The following URB2 variants were observed in gnomAD, a reference collection of about 807,000 sequenced individuals.
URB2 encodes URB2 ribosome biogenesis homolog, also known as unhealthy ribosome biogenesis protein 2 homolog.
Under a neutral mutation model 120.9 loss-of-function variants are expected in URB2, and 86 were observed. The observed-to-expected ratio is 0.71, with a 90% CI of 0.60 to 0.85. The LOEUF is 0.85. URB2 is among the 40% of genes least tolerant of loss of function. The pLI, the probability that URB2 is intolerant of heterozygous loss-of-function variation, is 0.00. For synonymous variants in URB2, 755 were observed against 758.4 expected (o/e 1.00, Z 0.07); for missense variants, 1,765 against 1,836.5 (o/e 0.96, Z 0.71).
chr1:229,642,681 A>C (rs1571876408), intron 4 of URB2, among the ~76,000 whole-genome samples: 1 of 152,298 alleles, frequency 6.6e-6, no homozygotes, highest in Non-Finnish European at 1.5e-5. Flanking sequence ...GAGCTCTCTT[A>C]GTCTTTCTGA....
At chr1:229,654,431 G>C in intron 9 of URB2, 43 bp downstream of exon 9, 2 of 1,611,848 alleles carry the variant, frequency 1.2e-6, no homozygotes, top group Non-Finnish European at 1.7e-6. Flanking sequence ...CTGTGTTTAT[G>C]GTCCTTAAGC....
intron 2 of URB2, 113 bp from the exon 3 acceptor site, chr1:229,632,156 C>A: frequency 3.5e-6 from 3 of 863,206 alleles, no homozygotes; most frequent in Admixed American, 3.5e-5. Flanking sequence ...AGGTTCTCCC[C>A]CGCCGCCCCC....
chr1:229,628,884 G>T (rs1398631484), intron 2 of URB2, among the ~76,000 whole-genome samples: 1 of 152,228 alleles, frequency 6.6e-6, no homozygotes, highest in Non-Finnish European at 1.5e-5. Context: ...AAGCGATGAT[G>T]ACGTGTGGTG....
Position 229,659,037 on chromosome 1 carries a change from G to A in URB2, c.4378-63G>A, listed in dbSNP as rs540674710. ...GTTAGTGCTTCCCAAGGCATTGTTG[G>A]CAGGTGGTGCGGCTTGATCTCTGCC... On this transcript the variant is annotated intron_variant, in intron 9 of 9. Coordinates refer to ENST00000258243, the MANE Select transcript of URB2 (RefSeq NM_014777.4). The A allele has an allele frequency of 2.4e-5, 37 of 1,533,740 alleles. No homozygotes were observed. In the African/African-American group the frequency reaches 4.9e-4, roughly 20 times the overall value.
At chr1:229,657,863 G>A (rs566803324) in intron 9 of URB2, among the ~76,000 whole-genome samples, 8 of 152,286 alleles carry the variant, frequency 5.3e-5, no homozygotes, top group Non-Finnish European at 1.0e-4. Context: ...TTGCCTTCGT[G>A]AATCAGTTCT....
intron 3 of URB2, 83 bp downstream of exon 3, chr1:229,632,528 T>C: frequency 4.0e-6 from 5 of 1,241,858 alleles, no homozygotes; most frequent in Non-Finnish European, 5.4e-6. Context: ...TTAGTGTCAA[T>C]TGTATGAAGA....
chr1:229,632,366 A>G lies in URB2; in HGVS notation c.224A>G (p.Asp75Gly). 1 of 1,588,842 alleles carries G rather than the reference A, an allele frequency of 6.3e-7. No individual in the cohort carries two copies. Among genetic ancestry groups the G allele is most frequent in the Non-Finnish European group, 8.5e-7 (1 of 1,172,008 alleles). Reference protein sequence around the residue: ...DIVERLWIYIDNILHSRKLQN... With the variant: ...DIVERLWIYIGNILHSRKLQN... ...GTTGAAAGGCTTTGGATCTATATAGATAACATTTTACATAGCAGAAAATTG... is the reference window on the plus strand; with the variant it reads ...GTTGAAAGGCTTTGGATCTATATAGGTAACATTTTACATAGCAGAAAATTG... The change falls in exon 3 of 10, where the codon GAT (aspartate) becomes GGT (glycine). Residue 75 changes from aspartate (D) to glycine (G), a missense_variant. By Grantham distance (94) the Asp-to-Gly change is moderately conservative. Transcript: ENST00000258243.
chr1:229,638,868 G>A (rs1000353081), intron 4 of URB2, among the ~76,000 whole-genome samples: 3 of 152,120 alleles, frequency 2.0e-5, no homozygotes, highest in African/African-American at 7.2e-5. Flanking sequence ...TTATAGTTTT[G>A]AAATCTGCTC....
At chr1:229,633,016 A>C (rs918871778) in intron 3 of URB2, among the ~76,000 whole-genome samples, 2 of 152,246 alleles carry the variant, frequency 1.3e-5, no homozygotes, top group Non-Finnish European at 2.9e-5. Flanking sequence ...ACTAGTGAGC[A>C]CTTCATGTGT....
chr1:229,632,150 T>C (rs980424263), intron 2 of URB2, 119 bp from the exon 3 acceptor site: 1 of 746,674 alleles, frequency 1.3e-6, no homozygotes, highest in Non-Finnish European at 2.0e-6. Flanking sequence ...AAAGAGAGGT[T>C]CTCCCCCGCC....
chr1:229,642,994 C>T (rs1043520803), intron 4 of URB2, among the ~76,000 whole-genome samples: 3 of 152,132 alleles, frequency 2.0e-5, no homozygotes, highest in African/African-American at 7.2e-5. Flanking sequence ...GTATTATATT[C>T]TTACAATCAA....
At chr1:229,629,019 A>G (rs750049612) in intron 2 of URB2, among the ~76,000 whole-genome samples, 3 of 152,234 alleles carry the variant, frequency 2.0e-5, no homozygotes, top group African/African-American at 4.8e-5. Context: ...CTAGCAGCCA[A>G]TTGGATCAAG....
intron 8 of URB2, 32 bp from the exon 9 acceptor site, chr1:229,654,217 T>G (rs1395760379): frequency 2.5e-6 from 4 of 1,608,082 alleles, no homozygotes; most frequent in Non-Finnish European, 2.6e-6. Context: ...GTTTTTGAAC[T>G]AATTGGTTGG....
chr1:229,630,044 C>T (rs1571865727), intron 2 of URB2, among the ~76,000 whole-genome samples: 1 of 152,344 alleles, frequency 6.6e-6, no homozygotes, highest in Middle Eastern at 3.4e-3. Flanking sequence ...ATTATATATG[C>T]AGTTGCTTCC....
rs1441680328 is a variant in URB2, at chr1:229,659,203, A to G, written c.4481A>G (p.Gln1494Arg). Residue 1494 changes from glutamine to arginine, a missense_variant, in exon 10 of 10, where the codon CAG becomes CGG. Coordinates refer to ENST00000258243, the MANE Select transcript of URB2 (RefSeq NM_014777.4). ...PDVQFLRASL[Q>R]PGMRDIFKEL... The stretch of plus-strand genomic sequence containing the variant: ...GTCCAGTTCCTGCGGGCCTCGCTGC[A>G]GCCGGGAATGAGAGACATCTTTAAG... 9.3e-6 allele frequency: 15 copies of G among 1,613,824 alleles called. No homozygotes were observed. Among genetic ancestry groups the G allele is most frequent in the Non-Finnish European group, 1.3e-5 (15 of 1,180,054 alleles).
At chr1:229,646,119 G>A (rs1238910588) in intron 6 of URB2, 150 bp downstream of exon 6, 12 of 679,314 alleles carry the variant, frequency 1.8e-5, no homozygotes, top group Non-Finnish European at 2.3e-5. Context: ...GCAGGATGCC[G>A]AGCTTGTGTG....
intron 3 of URB2, among the ~76,000 whole-genome samples, chr1:229,633,204 C>CGAA (rs1467520597): frequency 6.7e-6 from 1 of 149,570 alleles, no homozygotes; most frequent in Non-Finnish European, 1.5e-5. Context: ...CGGAGGGGAA[C>CGAA]GAAGGTTGAG....
chr1:229,636,074 G>A lies in URB2; in HGVS notation c.1461G>A (p.Gln487=), dbSNP rs1315529368. The A allele has an allele frequency of 6.2e-7, 1 of 1,614,238 alleles. No homozygotes were observed. The highest frequency in any genetic ancestry group is 8.5e-7 in the Non-Finnish European group (1 of 1,180,050). The change falls in exon 4 of 10, where the codon CAG becomes CAA. Residue 487 remains glutamine (Q), a synonymous_variant. Transcript: ENST00000258243. ...GTCCAGCTGCTGAGGCACTGAGGCA[G>A]CCTGTGCTGGCCTCGGGCCCCTCCA... ...ICRPAAEALR[Q]PVLASGPSTV... is the part of the protein sequence containing the mutation.
chr1:229,627,602 C>T lies in URB2; in HGVS notation c.-13-19C>T. 1.3e-6 allele frequency: 2 copies of T among 1,597,174 alleles called. No individual in the cohort carries two copies. Among genetic ancestry groups the T allele is most frequent in the Non-Finnish European group, 1.7e-6 (2 of 1,173,136 alleles). The stretch of plus-strand genomic sequence containing the variant: ...GACATTGTTATAGTATTTTTTTTCC[C>T]ATTGTTTTTAAATTTTAGATAAAGC... On this transcript the variant is annotated intron_variant, in intron 1 of 9. Transcript: ENST00000258243.
Sources: allele counts gnomAD v4.1 joint callset (sites outside exome capture counted in the v4.1 genomes callset), GRCh38; gene constraint gnomAD v4.1.1; transcripts MANE v1.5; gene names NCBI Gene and HGNC (gene_info 2026-07-23, HGNC 2026-07-21).